The following NAALADL2 variants were observed in gnomAD, a reference collection of about 807,000 sequenced individuals.
NAALADL2 encodes the protein N-acetylated alpha-linked acidic dipeptidase like 2.
NAALADL2 carries 76 observed loss-of-function variants against 87.2 expected under a neutral mutation model. That is an observed-to-expected ratio of 0.87 (90% CI 0.72 to 1.05). NAALADL2 has a LOEUF of 1.05. NAALADL2 is among the 50% of genes least tolerant of loss of function. The pLI is 0.00. For synonymous variants in NAALADL2, 354 were observed against 331.0 expected, an observed-to-expected ratio of 1.07 and a Z score of -0.75; for missense variants, 1,089 against 945.8, an observed-to-expected ratio of 1.15 and a Z score of -1.99.
At chr3:175,367,421 T>C (rs1765776941) in intron 5 of NAALADL2, among the ~76,000 whole-genome samples, 1 of 151,978 alleles carries the variant, frequency 6.6e-6, no homozygotes, top group South Asian at 2.1e-4. Flanking sequence ...TTGATGGGGA[T>C]GGCATTGAAT....
intron 6 of NAALADL2, among the ~76,000 whole-genome samples, chr3:175,449,481 C>T (rs535880284): frequency 2.1e-4 from 31 of 149,490 alleles, no homozygotes; most frequent in Admixed American, 1.3e-3. Flanking sequence ...CTGCAAGCTC[C>T]GCCTCCCGGG....
At chr3:175,647,420 A>G (rs1323439467) in intron 11 of NAALADL2, among the ~76,000 whole-genome samples, 1 of 152,196 alleles carries the variant, frequency 6.6e-6, no homozygotes, top group Non-Finnish European at 1.5e-5. Flanking sequence ...AGTTTTCCTC[A>G]TTAAAATATA....
chr3:174,757,595 G>A (rs1194068061), intron 3 of NAALADL2, among the ~76,000 whole-genome samples: 3 of 151,900 alleles, frequency 2.0e-5, no homozygotes, highest in Non-Finnish European at 2.9e-5. Context: ...GGGTTCCAGC[G>A]ATTCTCCTGC....
intron 2 of NAALADL2, among the ~76,000 whole-genome samples, chr3:174,607,038 A>G (rs1185339948): frequency 1.3e-5 from 2 of 152,226 alleles, no homozygotes; most frequent in Non-Finnish European, 2.9e-5. Context: ...AAGAATTTTC[A>G]ATCCAGAATT....
chr3:175,507,543 C>G (rs1415713762), intron 9 of NAALADL2, among the ~76,000 whole-genome samples: 1 of 152,092 alleles, frequency 6.6e-6, no homozygotes, highest in African/African-American at 2.4e-5. Context: ...CTGCCTCAGC[C>G]TCCCCAGCAG....
At chr3:175,128,490 T>A (rs1011985018) in intron 2 of NAALADL2, among the ~76,000 whole-genome samples, 1 of 152,152 alleles carries the variant, frequency 6.6e-6, no homozygotes, top group Non-Finnish European at 1.5e-5. Flanking sequence ...TAGTAGGCAA[T>A]CCTATGGCCT....
At chr3:175,545,580 C>T (rs1373543391) in intron 9 of NAALADL2, among the ~76,000 whole-genome samples, 1 of 151,990 alleles carries the variant, frequency 6.6e-6, no homozygotes, top group Admixed American at 6.6e-5. Context: ...CTGCTAAAAG[C>T]ACTGTATCTG....
chr3:175,030,269 G>A (rs887098252), intron 1 of NAALADL2, among the ~76,000 whole-genome samples: 2 of 152,034 alleles, frequency 1.3e-5, no homozygotes, highest in Admixed American at 1.3e-4. Flanking sequence ...AAGGACTTCA[G>A]TTCCATTAAG....
At chr3:174,647,967 A>G (rs1723967345) in intron 2 of NAALADL2, among the ~76,000 whole-genome samples, 1 of 152,150 alleles carries the variant, frequency 6.6e-6, no homozygotes, top group African/African-American at 2.4e-5. Flanking sequence ...TTAAAAATGC[A>G]TTTTCCTATG....
At chr3:174,986,845 ACAAATTTGG>A (rs1745945537) in intron 1 of NAALADL2, among the ~76,000 whole-genome samples, 1 of 152,160 alleles carries the variant, frequency 6.6e-6, no homozygotes, top group Non-Finnish European at 1.5e-5. Flanking sequence ...TTCTCCATGG[ACAAATTTGG>A]CCACTGTAGG....
chr3:175,786,778 G>A (rs1752032567), intron 13 of NAALADL2, among the ~76,000 whole-genome samples: 1 of 151,274 alleles, frequency 6.6e-6, no homozygotes. Context: ...GGAGGAGGAG[G>A]AGAGGCGCTC....
intron 5 of NAALADL2, among the ~76,000 whole-genome samples, chr3:175,402,512 T>C (rs183428123): frequency 3.3e-5 from 5 of 152,268 alleles, no homozygotes; most frequent in South Asian, 2.1e-4. Flanking sequence ...GAATCCTTTT[T>C]ATCTGAGTCT....
chr3:175,108,689 G>A lies in NAALADL2; in HGVS notation c.545+11398G>A, dbSNP rs192847408. Among the ~76,000 whole-genome samples, 8 of 151,994 alleles carry A rather than the reference G, an allele frequency of 5.3e-5. No individual in the cohort carries two copies. The East Asian group carries it at 1.5e-3, about 29-fold the overall frequency. On this transcript the variant is annotated intron_variant, in intron 2 of 13. Transcript: ENST00000454872. ...CTAATTTATTAGCCTGATAATTTTTGTAACTTGATGAAACACATCAGATAT... is the reference window on the plus strand; with the variant it reads ...CTAATTTATTAGCCTGATAATTTTTATAACTTGATGAAACACATCAGATAT...
At chr3:174,587,118 A>G (rs1716813279) in intron 2 of NAALADL2, among the ~76,000 whole-genome samples, 1 of 152,060 alleles carries the variant, frequency 6.6e-6, no homozygotes, top group Non-Finnish European at 1.5e-5. Flanking sequence ...TTTGCTGAGA[A>G]TGATGGTTTC....
At chr3:175,197,445 C>T (rs1739193662) in intron 2 of NAALADL2, among the ~76,000 whole-genome samples, 1 of 151,790 alleles carries the variant, frequency 6.6e-6, no homozygotes, top group Non-Finnish European at 1.5e-5. Context: ...CGAAGTTTTT[C>T]AGATTGTCAC....
intron 11 of NAALADL2, among the ~76,000 whole-genome samples, chr3:175,725,007 A>G (rs1350811443): frequency 6.6e-6 from 1 of 152,070 alleles, no homozygotes; most frequent in Non-Finnish European, 1.5e-5. Context: ...TGGATATTAG[A>G]AGGAAATAAC....
At chr3:174,483,199 A>G (rs936153099) in intron 1 of NAALADL2, among the ~76,000 whole-genome samples, 5 of 152,038 alleles carry the variant, frequency 3.3e-5, no homozygotes, top group African/African-American at 1.2e-4. Context: ...TAACAATGCT[A>G]TGAAGAAATA....
chr3:175,069,366 C>T (rs1715155925), intron 1 of NAALADL2, among the ~76,000 whole-genome samples: 1 of 150,142 alleles, frequency 6.7e-6, no homozygotes, highest in Admixed American at 6.6e-5. Context: ...TGAACAGACA[C>T]TTCTCAAAAG....
At chr3:174,774,809 A>G (rs1305382131) in intron 3 of NAALADL2, among the ~76,000 whole-genome samples, 1 of 152,232 alleles carries the variant, frequency 6.6e-6, no homozygotes, top group Non-Finnish European at 1.5e-5. Flanking sequence ...TAAACTTCTA[A>G]GTAATGAGAG....
Sources: allele counts gnomAD v4.1 joint callset (sites outside exome capture counted in the v4.1 genomes callset), GRCh38; gene constraint gnomAD v4.1.1; transcripts MANE v1.5; gene names NCBI Gene and HGNC (gene_info 2026-07-23, HGNC 2026-07-21).